RABGAP1L: variants seen among roughly 807,000 people sequenced by gnomAD.
RABGAP1L encodes the protein rab GTPase-activating protein 1-like.
Under a neutral mutation model 137.7 loss-of-function variants are expected in RABGAP1L, and 63 were observed. The ratio of observed to expected loss-of-function variants is 0.46; its 90% CI spans 0.37 to 0.56. The LOEUF (loss-of-function observed/expected upper bound fraction) is 0.56. Ranked by LOEUF, RABGAP1L falls within the 20% of genes least tolerant of loss-of-function variation. The pLI is 0.00. For synonymous variants in RABGAP1L, 431 were observed against 433.7 expected (o/e 0.99, Z 0.08); for missense variants, 1,095 against 1,244.0 (o/e 0.88, Z 1.80).
At chr1:174,816,855 C>T (rs981546977) in intron 19 of RABGAP1L, among the ~76,000 whole-genome samples, 4 of 151,946 alleles carry the variant, frequency 2.6e-5, no homozygotes, top group Non-Finnish European at 2.9e-5. Flanking sequence ...CCCAGCCTTC[C>T]GAGTAGCTGG....
intron 19 of RABGAP1L, among the ~76,000 whole-genome samples, chr1:174,920,701 C>G (rs1254081439): frequency 1.3e-5 from 2 of 152,022 alleles, no homozygotes; most frequent in African/African-American, 4.8e-5. Context: ...AGGTTCTAAT[C>G]CAATATGATT....
Position 174,220,838 on chromosome 1 carries a change from ACTT to A in RABGAP1L, c.139-130_139-128del, listed in dbSNP as rs149386667. The A allele has an allele frequency of 1.9e-3, 1,405 of 740,686 alleles. 17 individuals are homozygous for A. The African/African-American group carries it at 0.023, about 12-fold the overall frequency. The allele number at this position is 740,686 out of a possible 1,614,324, so 45.9% of individuals were successfully genotyped here. The stretch of plus-strand genomic sequence containing the variant: ...TTTAATGTATTATATATGTGAAACA[ACTT>A]CTTAGTATTTTAGTAACTATATTTA... On this transcript the variant is annotated intron_variant, in intron 2 of 25. Coordinates refer to ENST00000681986, the MANE Select transcript of RABGAP1L (RefSeq NM_001366446.1).
At chr1:174,306,089 T>C (rs974003232) in intron 11 of RABGAP1L, among the ~76,000 whole-genome samples, 2 of 152,212 alleles carry the variant, frequency 1.3e-5, no homozygotes, top group Admixed American at 6.5e-5. Context: ...ACAAAGGACA[T>C]GAACTCATCA....
rs531565618 is a variant in RABGAP1L, at chr1:174,651,936, G to T, written c.1824+14448G>T. On this transcript the variant is annotated intron_variant, in intron 14 of 25. Coordinates refer to ENST00000681986, the MANE Select transcript of RABGAP1L (RefSeq NM_001366446.1). ...ATGCAGTTTTTTCCTAGACTCGATG[G>T]TCTTTACAATTTGGCATGGTTTTGC... is the stretch of plus-strand genomic sequence containing the variant. Among the ~76,000 whole-genome samples the T allele has an allele frequency of 5.3e-5, 8 of 152,244 alleles. 1 individual carries two copies. The South Asian group carries it at 1.2e-3, about 24-fold the overall frequency.
At chr1:174,181,360 C>T (rs1361008211) in intron 1 of RABGAP1L, among the ~76,000 whole-genome samples, 34 of 139,322 alleles carry the variant, frequency 2.4e-4, no homozygotes, top group African/African-American at 6.3e-4. Context: ...TTTTTTGAGA[C>T]GGAGTCTTGC....
intron 6 of RABGAP1L, among the ~76,000 whole-genome samples, chr1:174,252,192 GC>G (rs1254516197): frequency 6.6e-6 from 1 of 152,178 alleles, no homozygotes; most frequent in Non-Finnish European, 1.5e-5. Context: ...ACCGTGCTTG[GC>G]CATGTTGTCT....
chr1:174,393,229 G>A (rs1268075464), intron 12 of RABGAP1L, among the ~76,000 whole-genome samples: 2 of 152,072 alleles, frequency 1.3e-5, no homozygotes, highest in Admixed American at 6.6e-5. Context: ...AAAGGGTTAG[G>A]TCCTTCCTTT....
chr1:174,285,618 A>G (rs2148702450), intron 10 of RABGAP1L, among the ~76,000 whole-genome samples: 1 of 150,752 alleles, frequency 6.6e-6, no homozygotes, highest in African/African-American at 2.4e-5. Context: ...TGGATGCCTT[A>G]TCTTGCCCAG....
intron 19 of RABGAP1L, among the ~76,000 whole-genome samples, chr1:174,954,618 G>A (rs1668240285): frequency 6.6e-6 from 1 of 152,160 alleles, no homozygotes; most frequent in Admixed American, 6.5e-5. Context: ...TCACTGGTGA[G>A]TGGATCCATT....
intron 19 of RABGAP1L, among the ~76,000 whole-genome samples, chr1:174,926,605 A>G (rs1662879196): frequency 6.6e-6 from 1 of 151,960 alleles, no homozygotes; most frequent in Non-Finnish European, 1.5e-5. Context: ...CTCGTATGTA[A>G]CAAACTTGTT....
At position 174,702,268 on chromosome 1, in the gene RABGAP1L, C is replaced by T. The variant is rs763466484; in HGVS notation, c.2169+12C>T. 5 of 1,576,508 alleles carry T rather than the reference C, an allele frequency of 3.2e-6. No individual in the cohort carries two copies. Among genetic ancestry groups the T allele is most frequent in the Non-Finnish European group, 4.3e-6 (5 of 1,163,466 alleles). On this transcript the variant is annotated intron_variant, in intron 17 of 25. Transcript: ENST00000681986. ...TACTGCTTTGTGAGGTAGAGTGACT[C>T]CCATCTTTCACTAAGCCAAAATAGA...
At chr1:174,204,884 C>T (rs551460179) in intron 1 of RABGAP1L, among the ~76,000 whole-genome samples, 2 of 152,282 alleles carry the variant, frequency 1.3e-5, no homozygotes, top group East Asian at 1.9e-4. Flanking sequence ...TGCCCTTCGC[C>T]TTCTGCTATG....
At chr1:174,231,444 C>G (rs1211569375) in intron 4 of RABGAP1L, 89 bp downstream of exon 4, 4 of 1,193,640 alleles carry the variant, frequency 3.4e-6, no homozygotes, top group Non-Finnish European at 4.9e-6. Flanking sequence ...GTAGAACTTA[C>G]TGTGAACTCA....
chr1:174,609,557 C>T (rs1182772186), intron 13 of RABGAP1L, among the ~76,000 whole-genome samples: 1 of 152,082 alleles, frequency 6.6e-6, no homozygotes, highest in East Asian at 1.9e-4. Context: ...CAGCAAAGAA[C>T]CTGAGCCTGT....
intron 13 of RABGAP1L, among the ~76,000 whole-genome samples, chr1:174,549,951 GAGCCC>G (rs1306879474): frequency 2.6e-5 from 4 of 152,140 alleles, no homozygotes; most frequent in Non-Finnish European, 5.9e-5. Context: ...AGCATTGCTT[GAGCCC>G]ATGAGTTGAA....
At chr1:174,444,034 T>C (rs1264922820) in intron 13 of RABGAP1L, among the ~76,000 whole-genome samples, 1 of 152,102 alleles carries the variant, frequency 6.6e-6, no homozygotes, top group Non-Finnish European at 1.5e-5. Context: ...ATTCCATTGG[T>C]CTATGTGTTT....
intron 1 of RABGAP1L, among the ~76,000 whole-genome samples, chr1:174,185,762 G>A (rs1000239570): frequency 2.0e-5 from 3 of 152,144 alleles, no homozygotes; most frequent in African/African-American, 7.2e-5. Flanking sequence ...GTGTGTCCTT[G>A]TAATTGTACT....
At chr1:174,242,518 A>C (rs553441971) in intron 5 of RABGAP1L, among the ~76,000 whole-genome samples, 12 of 152,352 alleles carry the variant, frequency 7.9e-5, no homozygotes, top group Admixed American at 6.5e-4. Flanking sequence ...AACATGAATA[A>C]ATCATTCTAT....
intron 14 of RABGAP1L, among the ~76,000 whole-genome samples, chr1:174,640,757 G>C (rs1674464909): frequency 6.6e-6 from 1 of 151,322 alleles, no homozygotes; most frequent in Admixed American, 6.6e-5. Context: ...TTTGTCTCTT[G>C]TCTTATTGCA....
Sources: gnomAD v4.1 joint callset for allele counts (sites outside exome capture counted in the v4.1 genomes callset) on GRCh38, gnomAD v4.1.1 for gene constraint, MANE v1.5 for transcripts, NCBI Gene and HGNC (gene_info 2026-07-23, HGNC 2026-07-21) for gene names.